Variants in SYT9 observed in about 807,000 individuals in gnomAD.
SYT9 encodes synaptotagmin 9.
A neutral mutation model predicts 48.4 loss-of-function variants in SYT9; 22 were observed. The observed-to-expected ratio is 0.45, with a 90% CI of 0.32 to 0.65. SYT9 has a LOEUF of 0.65. Ranked by LOEUF, SYT9 falls within the 30% of genes least tolerant of loss-of-function variation. SYT9 has a pLI of 0.03. For missense variants in SYT9, 577 were observed against 622.0 expected (o/e 0.93, Z 0.77); for synonymous variants, 265 against 245.0 (o/e 1.08, Z -0.76).
intron 6 of SYT9, among the ~76,000 whole-genome samples, chr11:7,466,018 C>CAACT (rs1292784050): frequency 6.6e-6 from 1 of 152,112 alleles, no homozygotes; most frequent in African/African-American, 2.4e-5. Context: ...GGTGGGGGCA[C>CAACT]AACTAAATCA....
chr11:7,362,825 C>T (rs1850169202), intron 3 of SYT9, among the ~76,000 whole-genome samples: 1 of 151,962 alleles, frequency 6.6e-6, no homozygotes, highest in South Asian at 2.1e-4. Flanking sequence ...GAAGATGTAA[C>T]CATTTACATA....
chr11:7,456,977 G>A (rs1848158896), intron 6 of SYT9: 1 of 152,196 alleles, frequency 6.6e-6, no homozygotes, highest in Middle Eastern at 3.2e-3. Flanking sequence ...ATCTGAGCAT[G>A]TAACTCTCCC....
At chr11:7,281,394 A>G (rs907935299) in intron 1 of SYT9, among the ~76,000 whole-genome samples, 2 of 152,208 alleles carry the variant, frequency 1.3e-5, no homozygotes, top group East Asian at 1.9e-4. Context: ...TACCCCTCTC[A>G]TGTTGCATCC....
At chr11:7,463,639 C>T (rs190942453) in intron 6 of SYT9, among the ~76,000 whole-genome samples, 16 of 152,258 alleles carry the variant, frequency 1.1e-4, no homozygotes, top group Admixed American at 9.2e-4. Flanking sequence ...GACCCTATCA[C>T]GACACCAGAT....
rs1200255879 is a variant in SYT9, at chr11:7,283,164, T to TAC, written c.146-19857_146-19856dup. On this transcript the variant is annotated intron_variant, in intron 1 of 6. Transcript: ENST00000318881. ...ATGTGTGTGTATATATATATATATA[T>TAC]ACACACACACACACACACAGCCTAA... 5.1e-3 allele frequency among the ~76,000 whole-genome samples: 707 copies of TAC among 138,388 alleles called. 12 individuals carry two copies. The East Asian group carries it at 0.071, about 14-fold the overall frequency. The allele number at this position is 138,388 out of a possible 152,430, so 90.8% of individuals were successfully genotyped here. A position where few individuals can be genotyped will look rare whatever the true frequency, so the allele number is the denominator to read the frequency against.
intron 6 of SYT9, among the ~76,000 whole-genome samples, chr11:7,436,619 T>C (rs1847715921): frequency 6.6e-6 from 1 of 151,266 alleles, no homozygotes; most frequent in Non-Finnish European, 1.5e-5. Flanking sequence ...CCAGTTGGTT[T>C]TTTTGTTTGT....
intron 6 of SYT9, chr11:7,438,642 G>A (rs1490897610): frequency 6.6e-6 from 1 of 152,252 alleles, no homozygotes; most frequent in African/African-American, 2.4e-5. Context: ...GCCTTGAAAG[G>A]GCCCCTTTTT....
intron 3 of SYT9, among the ~76,000 whole-genome samples, chr11:7,321,423 C>T (rs1490857096): frequency 1.3e-5 from 2 of 152,098 alleles, no homozygotes; most frequent in Non-Finnish European, 2.9e-5. Flanking sequence ...TCTTCATAGT[C>T]GAATACAAAT....
intron 1 of SYT9, among the ~76,000 whole-genome samples, chr11:7,301,153 C>T (rs535764135): frequency 2.6e-4 from 40 of 152,242 alleles, no homozygotes; most frequent in South Asian, 2.1e-3. Flanking sequence ...CCCATTTCTG[C>T]GGGATTTGAG....
At chr11:7,408,127 G>GT (rs1165055930) in intron 3 of SYT9, among the ~76,000 whole-genome samples, 4 of 151,656 alleles carry the variant, frequency 2.6e-5, no homozygotes, top group Non-Finnish European at 5.9e-5. Context: ...GTATGATTTT[G>GT]TTTTTTTGTT....
intron 2 of SYT9, 130 bp from the exon 3 acceptor site, chr11:7,313,265 A>G (rs1210077078): frequency 4.4e-6 from 4 of 917,178 alleles, no homozygotes; most frequent in South Asian, 1.9e-5. Context: ...GGCCACACAC[A>G]CACAAAAAAG....
At chr11:7,251,883 G>A (rs943011369), upstream of SYT9, 7 of 280,148 alleles carry the variant, frequency 2.5e-5, no homozygotes, top group African/African-American at 1.5e-4. Context: ...CGAGTAGCGG[G>A]CGGAGCGCAA....
chr11:7,343,586 C>G (rs1467326191), intron 3 of SYT9, among the ~76,000 whole-genome samples: 2 of 152,226 alleles, frequency 1.3e-5, no homozygotes, highest in African/African-American at 2.4e-5. Flanking sequence ...CAACAAATCT[C>G]TAGGAAGTTC....
chr11:7,424,321 C>T (rs559004163), intron 6 of SYT9, among the ~76,000 whole-genome samples: 8 of 152,256 alleles, frequency 5.3e-5, no homozygotes, highest in Admixed American at 6.5e-5. Context: ...AAAACTCCCC[C>T]AAGCAGACTG....
chr11:7,353,815 C>T (rs1244871159), intron 3 of SYT9, among the ~76,000 whole-genome samples: 1 of 152,186 alleles, frequency 6.6e-6, no homozygotes, highest in Non-Finnish European at 1.5e-5. Flanking sequence ...CATGCACTGA[C>T]TGCCAGTATA....
chr11:7,241,342 A>T (rs780954157), intron 1 of SYT9, among the ~76,000 whole-genome samples: 6 of 152,162 alleles, frequency 3.9e-5, no homozygotes, highest in Non-Finnish European at 8.8e-5. Flanking sequence ...CCCAGATGGA[A>T]GGAGAGAAAA....
At chr11:7,358,974 A>G (rs1850074600) in intron 3 of SYT9, among the ~76,000 whole-genome samples, 1 of 152,100 alleles carries the variant, frequency 6.6e-6, no homozygotes, top group Admixed American at 6.5e-5. Flanking sequence ...AGCATTAGGT[A>G]TATCTCCCAA....
At chr11:7,279,096 A>C (rs1417670037) in intron 1 of SYT9, among the ~76,000 whole-genome samples, 1 of 152,170 alleles carries the variant, frequency 6.6e-6, no homozygotes, top group Non-Finnish European at 1.5e-5. Context: ...CCAGCAGATA[A>C]AGTTGGGGAG....
intron 1 of SYT9, among the ~76,000 whole-genome samples, chr11:7,261,930 G>A (rs1274223245): frequency 6.6e-6 from 1 of 152,148 alleles, no homozygotes; most frequent in Non-Finnish European, 1.5e-5. Flanking sequence ...GAAGCCATTA[G>A]CAAGTTTTAA....
Sources: gnomAD v4.1 joint callset for allele counts (sites outside exome capture counted in the v4.1 genomes callset) on GRCh38, gnomAD v4.1.1 for gene constraint, MANE v1.5 for transcripts, NCBI Gene and HGNC (gene_info 2026-07-23, HGNC 2026-07-21) for gene names.